Variants in LRP2 observed in about 807,000 individuals in gnomAD.
LRP2 encodes low-density lipoprotein receptor-related protein 2.
In LRP2, 172 loss-of-function variants were observed where a neutral mutation model predicts 531.0. The observed-to-expected ratio is 0.32, with a 90% CI of 0.29 to 0.37. The LOEUF is 0.37. Ranked by LOEUF, LRP2 falls within the 10% of genes least tolerant of loss-of-function variation. The probability of loss-of-function intolerance (pLI) is 1.00; values close to 1 mark genes in which losing one functional copy is unlikely to be tolerated. For synonymous variants in LRP2, 1,992 were observed against 2,027.6 expected (o/e 0.98, Z 0.47); for missense variants, 5,167 against 5,868.3 (o/e 0.88, Z 3.90).
chr2:169,269,079 A>T (rs1203502665), intron 16 of LRP2, among the ~76,000 whole-genome samples: 1 of 152,204 alleles, frequency 6.6e-6, no homozygotes, highest in Non-Finnish European at 1.5e-5. Context: ...GAGAACTACA[A>T]ACCACTGCTC....
intron 12 of LRP2, among the ~76,000 whole-genome samples, chr2:169,278,941 G>A (rs1262350678): frequency 6.6e-6 from 1 of 152,158 alleles, no homozygotes; most frequent in African/African-American, 2.4e-5. Context: ...AGTTCTGAAA[G>A]GAATAGTTCC....
intron 1 of LRP2, among the ~76,000 whole-genome samples, chr2:169,347,657 TC>T (rs1300099903): frequency 1.3e-5 from 2 of 151,656 alleles, no homozygotes; most frequent in Non-Finnish European, 2.9e-5. Flanking sequence ...GAGAAATCAA[TC>T]CGTACCTAAA....
intron 70 of LRP2, among the ~76,000 whole-genome samples, chr2:169,144,826 G>A (rs188236898): frequency 6.6e-6 from 1 of 152,248 alleles, no homozygotes; most frequent in East Asian, 1.9e-4. Context: ...TCACATATGG[G>A]GACAGGAAGG....
intron 8 of LRP2, among the ~76,000 whole-genome samples, chr2:169,289,573 A>G (rs906864379): frequency 1.7e-4 from 26 of 151,594 alleles, no homozygotes; most frequent in African/African-American, 6.3e-4. Flanking sequence ...AAACAAAAGA[A>G]AAGAAAAAGC....
rs1425119344 is a variant in LRP2 at position 169,216,242 on chromosome 2, G to A, written c.5826+11C>T. 1 of 1,612,728 alleles carries A rather than the reference G, an allele frequency of 6.2e-7. No homozygotes were observed. The highest frequency in any genetic ancestry group is 8.5e-7 in the Non-Finnish European group (1 of 1,179,282). On this transcript the variant is annotated intron_variant, in intron 35 of 78. Coordinates refer to ENST00000649046, the MANE Select transcript of LRP2 (RefSeq NM_004525.3). ...AGCATAAAGACCAAAAGACTGAAAGGGTGCTCATACCACTCCTCTTCCAGT... is the reference window on the plus strand; with the variant it reads ...AGCATAAAGACCAAAAGACTGAAAGAGTGCTCATACCACTCCTCTTCCAGT...
At position 169,213,771 on chromosome 2, in the gene LRP2, T is replaced by C; in HGVS notation, c.5926A>G (p.Thr1976Ala). Residue 1976 changes from threonine to alanine, a missense_variant, in exon 36 of 79, where the codon ACT (threonine) becomes GCT (alanine). Physicochemically the swap from Thr to Ala is moderately conservative, Grantham distance 58. Transcript: ENST00000649046. Reference sequence around the variant, plus strand: ...TCAATGACCTCATACTGTTCATCAGTATAATAAAGGAAAGAATCATGGACT... The same window carrying C: ...TCAATGACCTCATACTGTTCATCAGCATAATAAAGGAAAGAATCATGGACT... Reference protein sequence around the residue: ...IAVHDSFLYYTDEQYEVIERV... With the variant: ...IAVHDSFLYYADEQYEVIERV... 3 of 1,613,590 alleles carry C rather than the reference T, an allele frequency of 1.9e-6. No individual in the cohort carries two copies. The highest frequency in any genetic ancestry group is 2.5e-6 in the Non-Finnish European group (3 of 1,179,598).
intron 19 of LRP2, among the ~76,000 whole-genome samples, chr2:169,248,079 A>G (rs575739394): frequency 2.0e-5 from 3 of 152,354 alleles, no homozygotes; most frequent in South Asian, 4.1e-4. Context: ...CTTTCAGTGT[A>G]TGTTTGAGGA....
intron 16 of LRP2, among the ~76,000 whole-genome samples, chr2:169,262,111 A>G (rs1690580859): frequency 6.6e-6 from 1 of 151,668 alleles, no homozygotes. Flanking sequence ...AATAAGAGCT[A>G]TCTATGACAA....
intron 65 of LRP2, among the ~76,000 whole-genome samples, chr2:169,154,915 G>T (rs1490225793): frequency 6.6e-6 from 1 of 152,118 alleles, no homozygotes; most frequent in African/African-American, 2.4e-5. Context: ...CATTTTCACT[G>T]AATTGTTTTT....
At chr2:169,210,407 A>G (rs1311479313) in intron 37 of LRP2, among the ~76,000 whole-genome samples, 1 of 152,276 alleles carries the variant, frequency 6.6e-6, no homozygotes, top group Non-Finnish European at 1.5e-5. Flanking sequence ...AGCTGACATT[A>G]TGTTCTTCCT....
intron 38 of LRP2, among the ~76,000 whole-genome samples, chr2:169,208,917 T>C (rs912515340): frequency 1.3e-5 from 2 of 152,154 alleles, no homozygotes; most frequent in Admixed American, 6.5e-5. Context: ...TTCAAGCTTA[T>C]GTGCATGAAT....
In LRP2 at chr2:169,174,157, G is replaced by T. The variant is rs1687103236; in HGVS notation, c.10776C>A (p.His3592Gln). 3 of 1,614,240 alleles carry T rather than the reference G, an allele frequency of 1.9e-6. No homozygotes were observed. The African/African-American group carries it at 4.0e-5, about 22-fold the overall frequency. ...ACTGCCATTCATTGGAGTCACAGTG[G>T]TGATTCTCTGAGAGCAGGGACATTT... is the stretch of plus-strand genomic sequence containing the variant. ...SDEDRLLCEN[H>Q]HCDSNEWQCA... The change falls in exon 56 of 79, where the codon CAC becomes CAA. Residue 3592 changes from histidine (H) to glutamine (Q), a missense_variant. Physicochemically the swap from His to Gln is conservative, Grantham distance 24 (BLOSUM62 0). Coordinates refer to ENST00000649046, the MANE Select transcript of LRP2 (RefSeq NM_004525.3).
intron 55 of LRP2, among the ~76,000 whole-genome samples, chr2:169,174,915 A>G (rs1376608993): frequency 1.3e-5 from 2 of 148,238 alleles, no homozygotes. Context: ...CCTCAATGTT[A>G]GCTCTCAAAG....
chr2:169,154,509 T>C lies in LRP2; in HGVS notation c.12246A>G (p.Glu4082=). 1 of 1,612,762 alleles carries C rather than the reference T, an allele frequency of 6.2e-7. No homozygotes were observed. Among genetic ancestry groups the C allele is most frequent in the Non-Finnish European group, 8.5e-7 (1 of 1,178,836 alleles). ...AATCATAATCAACAGCTTGGATATA[T>C]TCCTCATCTTGAAGATACTCTGAGA... ...ERFSEYLQDE[E]YIQAVDYDWD... The change falls in exon 66 of 79, where the codon GAA becomes GAG. Residue 4082 remains glutamate, a synonymous_variant. Transcript: ENST00000649046.
At position 169,191,813 on chromosome 2, in the gene LRP2, T is replaced by C; in HGVS notation, c.9032+19A>G. The C allele has an allele frequency of 6.2e-7, 1 of 1,611,960 alleles. No homozygotes were observed. Among genetic ancestry groups the C allele is most frequent in the Non-Finnish European group, 8.5e-7 (1 of 1,178,164 alleles). ...GGACATTTGAGGCATGCTGGGTAAC[T>C]TCTGAATCCTCAATTCACCTGAATA... On this transcript the variant is annotated intron_variant, in intron 48 of 78. Transcript: ENST00000649046.
chr2:169,215,851 C>T (rs1352715590), intron 35 of LRP2, among the ~76,000 whole-genome samples: 1 of 149,328 alleles, frequency 6.7e-6, no homozygotes, highest in Non-Finnish European at 1.5e-5. Flanking sequence ...TATATATATT[C>T]TCTCCATATA....
intron 31 of LRP2, among the ~76,000 whole-genome samples, chr2:169,228,369 G>A (rs1322424663): frequency 1.3e-5 from 2 of 150,566 alleles, no homozygotes; most frequent in African/African-American, 4.9e-5. Context: ...AAATTATATT[G>A]AGATGATATT....
chr2:169,212,204 G>A lies in LRP2; in HGVS notation c.6044C>T (p.Ala2015Val), dbSNP rs1688620213. The A allele has an allele frequency of 3.1e-6, 5 of 1,613,838 alleles. No individual in the cohort carries two copies. The South Asian group carries it at 4.4e-5, about 14-fold the overall frequency. Reference protein sequence around the residue: ...RGLQVYHRRNAAESSNGCSNN... With the variant: ...RGLQVYHRRNVAESSNGCSNN... ...GCTACAGCCATTTGAGGATTCGGCGGCATCTAAATGAAAACAAAATCCATT... is the reference window on the plus strand; with the variant it reads ...GCTACAGCCATTTGAGGATTCGGCGACATCTAAATGAAAACAAAATCCATT... The change falls in exon 37 of 79, where the codon GCC (alanine) becomes GTC (valine). Residue 2015 changes from alanine (A) to valine (V), a missense_variant. Ala to Val is a moderately conservative substitution (Grantham distance 64). Coordinates refer to ENST00000649046, the MANE Select transcript of LRP2 (RefSeq NM_004525.3).
rs1213033893 is a variant in LRP2 at position 169,273,050 on chromosome 2, C to T, written c.1993G>A (p.Asp665Asn). 19 of 1,613,628 alleles carry T rather than the reference C, an allele frequency of 1.2e-5. No homozygotes were observed. Among genetic ancestry groups the T allele is most frequent in the Middle Eastern group, 1.7e-4 (1 of 6,052 alleles). The part of the protein sequence containing the change: ...RQPYATNPCK[D>N]NNGGCEQVCV... ...ACCTGCTCACAGCCCCCATTGTTAT[C>T]TTTACACGGATTGGTAGCTGGAAGG... Residue 665 changes from aspartate to asparagine, a missense_variant, in exon 15 of 79, where the codon GAT becomes AAT. Physicochemically the swap from Asp to Asn is conservative, Grantham distance 23. Coordinates refer to ENST00000649046, the MANE Select transcript of LRP2 (RefSeq NM_004525.3).
Sources: allele counts gnomAD v4.1 joint callset (sites outside exome capture counted in the v4.1 genomes callset), GRCh38; gene constraint gnomAD v4.1.1; transcripts MANE v1.5; gene names NCBI Gene and HGNC (gene_info 2026-07-23, HGNC 2026-07-21).